The following C6orf58 variants were observed in gnomAD, a reference collection of about 807,000 sequenced individuals.
The protein encoded by C6orf58 is chromosome 6 open reading frame 58.
Under a neutral mutation model 37.0 loss-of-function variants are expected in C6orf58, and 30 were observed. The ratio of observed to expected loss-of-function variants is 0.81; its 90% CI spans 0.61 to 1.10. C6orf58 has a LOEUF of 1.10. C6orf58 is among the 50% of genes least tolerant of loss of function. The pLI is 0.00. For missense variants in C6orf58, 368 were observed against 387.5 expected (o/e 0.95, Z 0.42); for synonymous variants, 143 against 134.1 (o/e 1.07, Z -0.46).
At position 127,590,079 on chromosome 6, in the gene C6orf58, T is replaced by C; in HGVS notation, c.675-8T>C. 1 of 1,583,786 alleles carries C rather than the reference T, an allele frequency of 6.3e-7. No individual in the cohort carries two copies. Among genetic ancestry groups the C allele is most frequent in the Non-Finnish European group, 8.7e-7 (1 of 1,155,478 alleles). ...TTATAATTAAATACTTTTCCGTTTGTCTTTTAGATATGATTATTATTCTAA... is the reference window on the plus strand; with the variant it reads ...TTATAATTAAATACTTTTCCGTTTGCCTTTTAGATATGATTATTATTCTAA... On this transcript the variant is annotated splice_polypyrimidine_tract_variant and splice_region_variant and intron_variant, in intron 4 of 5. Coordinates refer to ENST00000329722, the MANE Select transcript of C6orf58 (RefSeq NM_001010905.3).
At chr6:127,585,924 T>G (rs1239240888) in intron 4 of C6orf58, among the ~76,000 whole-genome samples, 1 of 152,212 alleles carries the variant, frequency 6.6e-6, no homozygotes, top group Non-Finnish European at 1.5e-5. Context: ...TTCTGTTTCT[T>G]GAACAAAACG....
At chr6:127,580,115 G>T in intron 2 of C6orf58, 150 bp from the exon 3 acceptor site, 1 of 559,718 alleles carries the variant, frequency 1.8e-6, no homozygotes, top group Non-Finnish European at 3.2e-6. Flanking sequence ...GATCCTTAGG[G>T]GGATTTTTGT....
At position 127,583,745 on chromosome 6, in the gene C6orf58, G is replaced by A. The variant is rs530293922; in HGVS notation, c.674+2463G>A. ...TAGGTTCTAGAACATGGAAAATCTG[G>A]TTGTTATCAGCTGGTGGGCTGCAAA... On this transcript the variant is annotated intron_variant, in intron 4 of 5. Transcript: ENST00000329722. Among the ~76,000 whole-genome samples, 6 of 152,230 alleles carry A rather than the reference G, an allele frequency of 3.9e-5. No homozygotes were observed. The East Asian group carries it at 1.2e-3, about 29-fold the overall frequency.
intron 5 of C6orf58, among the ~76,000 whole-genome samples, chr6:127,590,745 C>T (rs1480254117): frequency 6.6e-6 from 1 of 152,028 alleles, no homozygotes; most frequent in African/African-American, 2.4e-5. Context: ...AGCAATTTGG[C>T]TTACTTGAGT....
intron 4 of C6orf58, among the ~76,000 whole-genome samples, chr6:127,586,035 T>G (rs1775102951): frequency 6.6e-6 from 1 of 152,218 alleles, no homozygotes; most frequent in South Asian, 2.1e-4. Context: ...TTCAATTATA[T>G]ATAATTAAGA....
chr6:127,590,093 T>C lies in C6orf58; in HGVS notation c.681T>C (p.Asp227=), dbSNP rs1281012803. Residue 227 remains aspartate, a synonymous_variant, in exon 5 of 6, where the codon GAT becomes GAC. Transcript: ENST00000329722. ...TTTTCCGTTTGTCTTTTAGATATGA[T>C]TATTATTCTAAAGCAGAAGCGCATT... is the stretch of plus-strand genomic sequence containing the variant. ...DNIKSFEDRY[D]YYSKAEAHFE... is the part of the protein sequence containing the mutation. 3.1e-6 allele frequency: 5 copies of C among 1,605,676 alleles called. No individual in the cohort carries two copies. Among genetic ancestry groups the C allele is most frequent in the African/African-American group, 1.3e-5 (1 of 74,684 alleles).
chr6:127,587,696 G>A (rs898159401), intron 4 of C6orf58, among the ~76,000 whole-genome samples: 1 of 152,128 alleles, frequency 6.6e-6, no homozygotes, highest in East Asian at 1.9e-4. Context: ...ATTTGACCTA[G>A]GAGTTCAAAC....
intron 4 of C6orf58, among the ~76,000 whole-genome samples, chr6:127,582,392 T>A (rs1775059316): frequency 6.6e-6 from 1 of 152,128 alleles, no homozygotes; most frequent in African/African-American, 2.4e-5. Context: ...AAAATCTACT[T>A]GTTTTAACCA....
At chr6:127,584,337 G>A (rs1242522359) in intron 4 of C6orf58, among the ~76,000 whole-genome samples, 1 of 152,120 alleles carries the variant, frequency 6.6e-6, no homozygotes, top group African/African-American at 2.4e-5. Context: ...AGGCATTTCA[G>A]AATAGTCACT....
At chr6:127,584,329 G>A (rs770275476) in intron 4 of C6orf58, among the ~76,000 whole-genome samples, 9 of 152,058 alleles carry the variant, frequency 5.9e-5, no homozygotes, top group Non-Finnish European at 1.0e-4. Flanking sequence ...TAGTGATAAG[G>A]CATTTCAGAA....
intron 5 of C6orf58, among the ~76,000 whole-genome samples, chr6:127,590,810 A>G (rs73773814): frequency 5.4e-4 from 82 of 152,246 alleles, no homozygotes; most frequent in African/African-American, 1.9e-3. Flanking sequence ...TAGCCCTTCA[A>G]ATGCTGGATC....
intron 5 of C6orf58, among the ~76,000 whole-genome samples, chr6:127,591,165 G>C (rs1775158523): frequency 6.6e-6 from 1 of 152,020 alleles, no homozygotes; most frequent in Non-Finnish European, 1.5e-5. Context: ...TTCATTCTGT[G>C]AAAATTTTTC....
intron 1 of C6orf58, among the ~76,000 whole-genome samples, chr6:127,578,477 A>C (rs1775013306): frequency 6.6e-6 from 1 of 152,138 alleles, no homozygotes; most frequent in Non-Finnish European, 1.5e-5. Context: ...CCTATAACTC[A>C]AAAGTAGAAA....
chr6:127,589,211 A>T (rs1775135905), intron 4 of C6orf58, among the ~76,000 whole-genome samples: 1 of 152,180 alleles, frequency 6.6e-6, no homozygotes, highest in African/African-American at 2.4e-5. Flanking sequence ...GGGAATATAG[A>T]AGAGAAGAAA....
chr6:127,580,949 A>G (rs1775043457), intron 3 of C6orf58, among the ~76,000 whole-genome samples: 1 of 152,156 alleles, frequency 6.6e-6, no homozygotes, highest in Admixed American at 6.6e-5. Context: ...ATAAACTCTG[A>G]AAATACTTGA....
At chr6:127,588,273 A>G (rs1021457862) in intron 4 of C6orf58, among the ~76,000 whole-genome samples, 5 of 152,172 alleles carry the variant, frequency 3.3e-5, no homozygotes, top group Non-Finnish European at 5.9e-5. Flanking sequence ...TTAATATTGT[A>G]TTTTTTAAGT....
At chr6:127,585,571 G>A (rs183387355) in intron 4 of C6orf58, among the ~76,000 whole-genome samples, 2 of 152,254 alleles carry the variant, frequency 1.3e-5, no homozygotes, top group Non-Finnish European at 2.9e-5. Context: ...GTAAAATGTG[G>A]AATCTTTGTT....
chr6:127,591,605 T>G lies in C6orf58; in HGVS notation c.976T>G (p.Tyr326Asp). The G allele has an allele frequency of 1.3e-6, 2 of 1,522,000 alleles. No homozygotes were observed. The highest frequency in any genetic ancestry group is 2.7e-5 in the South Asian group (2 of 73,794). The allele number at this position is 1,522,000 out of a possible 1,614,324, so 94.3% of individuals were successfully genotyped here. A position where few individuals can be genotyped will look rare whatever the true frequency, so the allele number is the denominator to read the frequency against. ...TCATTCGGAATCTAGCTCTAGAAGT[T>G]ATGGAAATAACTCCTGAAACATTTA... ...RDHSESSSRS[Y>D]GNNS The change falls in exon 6 of 6, where the codon TAT becomes GAT. Residue 326 changes from tyrosine (Y) to aspartate (D), a missense_variant. Physicochemically the swap from Tyr to Asp is radical, Grantham distance 160 (BLOSUM62 -3). Transcript: ENST00000329722.
intron 4 of C6orf58, among the ~76,000 whole-genome samples, chr6:127,589,162 GA>G (rs372487806): frequency 4.1e-4 from 63 of 152,174 alleles, no homozygotes; most frequent in Admixed American, 1.4e-3. Context: ...TATAACTAGA[GA>G]AAAAAATCCT....
Sources: gnomAD v4.1 joint callset for allele counts (sites outside exome capture counted in the v4.1 genomes callset) on GRCh38, gnomAD v4.1.1 for gene constraint, MANE v1.5 for transcripts, NCBI Gene and HGNC (gene_info 2026-07-23, HGNC 2026-07-21) for gene names.